The following ZMAT4 variants were observed in gnomAD, a reference collection of about 807,000 sequenced individuals.
ZMAT4 encodes the protein zinc finger matrin-type 4, also known as zinc finger matrin-type protein 4.
Under a neutral mutation model 28.7 loss-of-function variants are expected in ZMAT4, and 17 were observed. The observed-to-expected ratio is 0.59, with a 90% CI of 0.41 to 0.89. The LOEUF (loss-of-function observed/expected upper bound fraction) is 0.89. Among genes scored for constraint, ZMAT4 ranks in the 40% least tolerant of loss-of-function variants. The pLI, the probability that ZMAT4 is intolerant of heterozygous loss-of-function variation, is 0.00. For synonymous variants in ZMAT4, 117 were observed against 109.2 expected, an observed-to-expected ratio of 1.07 and a Z score of -0.44; for missense variants, 240 against 283.8, an observed-to-expected ratio of 0.85 and a Z score of 1.11.
chr8:40,646,667 T>C (rs532609897), intron 5 of ZMAT4, among the ~76,000 whole-genome samples: 1 of 152,322 alleles, frequency 6.6e-6, no homozygotes, highest in East Asian at 1.9e-4. Context: ...GCTATAAACA[T>C]ATATGTACCT....
At chr8:40,587,459 T>C (rs1804707177) in intron 5 of ZMAT4, among the ~76,000 whole-genome samples, 1 of 152,212 alleles carries the variant, frequency 6.6e-6, no homozygotes, top group South Asian at 2.1e-4. Context: ...GTTTATAATG[T>C]ACAGGCATGT....
chr8:40,639,023 C>T (rs10113781), intron 5 of ZMAT4, among the ~76,000 whole-genome samples: 1,649 of 152,270 alleles, frequency 0.011, 25 homozygotes, highest in African/African-American at 0.037. Context: ...TCTGTGCTGG[C>T]GGACTGCAGG....
At chr8:40,816,861 A>G (rs1815561017) in intron 2 of ZMAT4, among the ~76,000 whole-genome samples, 1 of 152,234 alleles carries the variant, frequency 6.6e-6, no homozygotes, top group Non-Finnish European at 1.5e-5. Flanking sequence ...GAGACAATCC[A>G]TAAATTTGGG....
intron 3 of ZMAT4, among the ~76,000 whole-genome samples, chr8:40,705,344 C>T (rs1045422073): frequency 5.9e-5 from 9 of 151,942 alleles, no homozygotes; most frequent in Admixed American, 3.9e-4. Flanking sequence ...TAGAGGGGCC[C>T]GAGAGAGCAA....
At chr8:40,869,017 AC>A (rs1297449191) in intron 1 of ZMAT4, among the ~76,000 whole-genome samples, 2 of 152,094 alleles carry the variant, frequency 1.3e-5, no homozygotes, top group Admixed American at 6.5e-5. Context: ...TACCTGTCCA[AC>A]CCTGTTTGCT....
chr8:40,749,114 C>T (rs1812358035), intron 3 of ZMAT4, among the ~76,000 whole-genome samples: 1 of 152,144 alleles, frequency 6.6e-6, no homozygotes, highest in Admixed American at 6.6e-5. Flanking sequence ...CCTCCCCAGC[C>T]ATATAGAACT....
chr8:40,823,654 A>G (rs1815911604), intron 2 of ZMAT4, among the ~76,000 whole-genome samples: 1 of 151,960 alleles, frequency 6.6e-6, no homozygotes, highest in African/African-American at 2.4e-5. Flanking sequence ...GTGAGACTCC[A>G]TCACACACAA....
At chr8:40,873,293 C>A (rs1817927582) in intron 1 of ZMAT4, among the ~76,000 whole-genome samples, 1 of 152,198 alleles carries the variant, frequency 6.6e-6, no homozygotes, top group Non-Finnish European at 1.5e-5. Context: ...GCCCACTTAT[C>A]AGGATTTAAT....
At chr8:40,763,214 G>T (rs530481468) in intron 3 of ZMAT4, among the ~76,000 whole-genome samples, 2 of 152,144 alleles carry the variant, frequency 1.3e-5, no homozygotes, top group Middle Eastern at 3.2e-3. Context: ...GTTGGGGAAG[G>T]TGTCCATGTC....
intron 5 of ZMAT4, among the ~76,000 whole-genome samples, chr8:40,623,517 A>G (rs1237301440): frequency 6.6e-6 from 1 of 152,216 alleles, no homozygotes; most frequent in Non-Finnish European, 1.5e-5. Flanking sequence ...AAGTGAGAAG[A>G]CACATTTTGC....
chr8:40,639,771 T>TAC (rs10676366), intron 5 of ZMAT4, among the ~76,000 whole-genome samples: 21,919 of 146,250 alleles, frequency 0.15, 1,740 homozygotes, highest in East Asian at 0.36. Context: ...GTCCTTTTGT[T>TAC]ACACACACAC....
At chr8:40,712,305 T>G (rs879281111) in intron 3 of ZMAT4, among the ~76,000 whole-genome samples, 4 of 152,186 alleles carry the variant, frequency 2.6e-5, no homozygotes, top group Non-Finnish European at 5.9e-5. Context: ...AAGCTACTGT[T>G]TTTATTAAAA....
chr8:40,853,849 T>A (rs779026539), intron 1 of ZMAT4, among the ~76,000 whole-genome samples: 1 of 152,192 alleles, frequency 6.6e-6, no homozygotes, highest in Non-Finnish European at 1.5e-5. Flanking sequence ...GTGTCTGTAT[T>A]TGTCTGTATG....
chr8:40,595,724 G>C (rs1805068167), intron 5 of ZMAT4, among the ~76,000 whole-genome samples: 1 of 152,174 alleles, frequency 6.6e-6, no homozygotes, highest in Non-Finnish European at 1.5e-5. Context: ...GAGCTTACAA[G>C]ACTGGAAGTT....
At chr8:40,897,210 G>A (rs1186289223) in intron 1 of ZMAT4, among the ~76,000 whole-genome samples, 1 of 152,090 alleles carries the variant, frequency 6.6e-6, no homozygotes, top group Non-Finnish European at 1.5e-5. Flanking sequence ...GCAGAAGTTT[G>A]AGGAAGGACT....
chr8:40,755,778 C>T (rs1812653000), intron 3 of ZMAT4, among the ~76,000 whole-genome samples: 2 of 152,252 alleles, frequency 1.3e-5, no homozygotes, highest in South Asian at 4.2e-4. Context: ...TTTTATGAGC[C>T]ATGATATACC....
chr8:40,771,239 A>G (rs1563473060), intron 2 of ZMAT4, among the ~76,000 whole-genome samples: 1 of 151,176 alleles, frequency 6.6e-6, no homozygotes, highest in Admixed American at 6.6e-5. Flanking sequence ...CTACATATAT[A>G]ATGAATGTTG....
intron 3 of ZMAT4, among the ~76,000 whole-genome samples, chr8:40,760,140 G>A (rs970363975): frequency 3.9e-5 from 6 of 152,018 alleles, no homozygotes; most frequent in South Asian, 2.1e-4. Context: ...CCCTATAATC[G>A]ACTGACTACA....
At chr8:40,885,954 T>C (rs1818437020) in intron 1 of ZMAT4, among the ~76,000 whole-genome samples, 1 of 152,218 alleles carries the variant, frequency 6.6e-6, no homozygotes, top group Admixed American at 6.5e-5. Context: ...CTCCCCCACT[T>C]GAATCTAAGC....
Sources: gnomAD v4.1 joint callset for allele counts (sites outside exome capture counted in the v4.1 genomes callset) on GRCh38, gnomAD v4.1.1 for gene constraint, MANE v1.5 for transcripts, NCBI Gene and HGNC (gene_info 2026-07-23, HGNC 2026-07-21) for gene names.